Variants in TRAPPC12 observed in about 807,000 individuals in gnomAD.
The protein encoded by TRAPPC12 is trafficking protein particle complex subunit 12.
In TRAPPC12, 61 loss-of-function variants were observed where a neutral mutation model predicts 69.2. That is an observed-to-expected ratio of 0.88 (90% confidence interval 0.72 to 1.09). The LOEUF (loss-of-function observed/expected upper bound fraction) is 1.09, where lower values mean the gene tolerates loss of function less well. Ranked by LOEUF, TRAPPC12 falls within the 50% of genes least tolerant of loss-of-function variation. TRAPPC12 has a pLI of 0.00. For missense variants in TRAPPC12, 1,101 were observed against 1,016.4 expected (o/e 1.08, Z -1.13); for synonymous variants, 469 against 438.9 (o/e 1.07, Z -0.86).
rs755605563 is a variant in TRAPPC12, at chr2:3,424,574, A to G, written c.1328A>G (p.Asn443Ser). ...CTAGTGAAGTTGGGCCTTTTCCAGA[A>G]TGCTGAGATGGAATTTGAACCCTTC... Reference protein sequence around the residue: ...ALLVKLGLFQNAEMEFEPFGN... With the variant: ...ALLVKLGLFQSAEMEFEPFGN... Residue 443 changes from asparagine (N) to serine (S), a missense_variant, in exon 5 of 12, where the codon AAT becomes AGT. Asn to Ser is a conservative substitution (Grantham distance 46). Transcript: ENST00000324266. The G allele has an allele frequency of 5.0e-6, 8 of 1,614,000 alleles. No homozygotes were observed. Among genetic ancestry groups the G allele is most frequent in the East Asian group, 2.2e-5 (1 of 44,872 alleles).
Position 3,421,914 on chromosome 2 carries a change from T to C in TRAPPC12, c.1198T>C (p.Cys400Arg). 1 of 1,613,968 alleles carries C rather than the reference T, an allele frequency of 6.2e-7. No individual in the cohort carries two copies. ...CRNWRAAVDL[C>R]GRLLTAHGQG... ...AAACTGGAGGGCAGCAGTGGACCTG[T>C]GCGGACGTCTCCTCACAGCCCACGG... The change falls in exon 4 of 12, where the codon TGC becomes CGC. Residue 400 changes from cysteine (C) to arginine (R), a missense_variant. Cys to Arg is a radical substitution (Grantham distance 180). Coordinates refer to ENST00000324266, the MANE Select transcript of TRAPPC12 (RefSeq NM_016030.6).
chr2:3,384,157 A>C (rs955775217), intron 1 of TRAPPC12, among the ~76,000 whole-genome samples: 1 of 151,928 alleles, frequency 6.6e-6, no homozygotes, highest in African/African-American at 2.4e-5. Context: ...CGGCCTCCCA[A>C]ATTGCTAGGA....
At position 3,402,845 on chromosome 2, in the gene TRAPPC12, G is replaced by A. The variant is rs73145222; in HGVS notation, c.1164+952G>A. On this transcript the variant is annotated intron_variant, in intron 3 of 11. Coordinates refer to ENST00000324266, the MANE Select transcript of TRAPPC12 (RefSeq NM_016030.6). ...TCAGCTCCCCAGTGTTGTCTCCTTA[G>A]GGGGCTGTGGAATTGCTCTGCTAGC... Among the ~76,000 whole-genome samples, 1,057 of 152,314 alleles carry A rather than the reference G, an allele frequency of 6.9e-3. 14 individuals are homozygous for A. The highest frequency in any genetic ancestry group is 0.024 in the African/African-American group (991 of 41,556).
chr2:3,392,818 T>A (rs1333506959), intron 2 of TRAPPC12, among the ~76,000 whole-genome samples: 1 of 152,160 alleles, frequency 6.6e-6, no homozygotes. Context: ...GATCTAACAG[T>A]CCCCCATTCT....
chr2:3,430,458 T>C (rs1036229269), intron 5 of TRAPPC12, among the ~76,000 whole-genome samples: 1 of 152,240 alleles, frequency 6.6e-6, no homozygotes, highest in Non-Finnish European at 1.5e-5. Flanking sequence ...GTGTCCTTTG[T>C]CTGTCGGAGT....
intron 7 of TRAPPC12, 144 bp downstream of exon 7, chr2:3,457,837 T>A (rs918482804): frequency 2.7e-5 from 39 of 1,453,818 alleles, no homozygotes; most frequent in Non-Finnish European, 3.3e-5. Context: ...AACTCACTCC[T>A]TTCTTGGGGA....
chr2:3,466,891 C>T (rs1665838747), intron 9 of TRAPPC12, among the ~76,000 whole-genome samples: 1 of 152,210 alleles, frequency 6.6e-6, no homozygotes, highest in Admixed American at 6.5e-5. Context: ...TCCAGGCTGC[C>T]TCATGTGTAA....
Position 3,477,676 on chromosome 2 carries a change from CTA to C in TRAPPC12, c.1777-18_1777-17del, listed in dbSNP as rs1380380533. 1 of 1,542,688 alleles carries C rather than the reference CTA, an allele frequency of 6.5e-7. No individual in the cohort carries two copies. Among genetic ancestry groups the C allele is most frequent in the Non-Finnish European group, 8.9e-7 (1 of 1,128,524 alleles). ...ATATTTCTTTTGTCAACTAAACTGA[CTA>C]AATTTTGTCAAAGCAGATTGGAGAC... On this transcript the variant is annotated splice_polypyrimidine_tract_variant and intron_variant, in intron 9 of 11. Transcript: ENST00000324266.
Position 3,412,916 on chromosome 2 carries a change from G to A in TRAPPC12, c.1165-8965G>A, listed in dbSNP as rs186047619. On this transcript the variant is annotated intron_variant, in intron 3 of 11. Coordinates refer to ENST00000324266, the MANE Select transcript of TRAPPC12 (RefSeq NM_016030.6). ...CAACCTGAAAAGGCCCAACTTAGCC[G>A]TGAGTGGACATAAATAGGAGTTGTA... Among the ~76,000 whole-genome samples, 234 of 152,316 alleles carry A rather than the reference G, an allele frequency of 1.5e-3. 1 individual carries two copies. The highest frequency in any genetic ancestry group is 5.3e-3 in the African/African-American group (221 of 41,572).
intron 8 of TRAPPC12, among the ~76,000 whole-genome samples, chr2:3,464,796 C>T (rs1025423481): frequency 4.6e-5 from 7 of 152,250 alleles, no homozygotes; most frequent in Non-Finnish European, 8.8e-5. Context: ...TGGGTCCGCT[C>T]AGCGTCCAGC....
At chr2:3,447,098 G>A (rs574364596) in intron 6 of TRAPPC12, among the ~76,000 whole-genome samples, 1 of 124,592 alleles carries the variant, frequency 8.0e-6, no homozygotes, top group Admixed American at 7.6e-5. Context: ...GAGGCCTCAG[G>A]AAGCTTTTTT....
chr2:3,476,815 G>T (rs1185631115), intron 9 of TRAPPC12, among the ~76,000 whole-genome samples: 3 of 152,194 alleles, frequency 2.0e-5, no homozygotes, highest in African/African-American at 7.2e-5. Flanking sequence ...TTCTCATCGA[G>T]ACAGAGGACA....
intron 6 of TRAPPC12, among the ~76,000 whole-genome samples, chr2:3,450,171 A>C (rs1430046811): frequency 6.6e-6 from 1 of 152,112 alleles, no homozygotes. Flanking sequence ...CCGATTCAAA[A>C]CCAAATGCAC....
intron 7 of TRAPPC12, 185 bp from the exon 8 acceptor site, chr2:3,460,078 A>T (rs886402755): frequency 1.5e-6 from 1 of 669,750 alleles, no homozygotes; most frequent in East Asian, 2.7e-5. Flanking sequence ...TCTGGTCCCA[A>T]TGCGAGTGCT....
intron 6 of TRAPPC12, among the ~76,000 whole-genome samples, chr2:3,452,610 G>A (rs916335424): frequency 4.6e-5 from 7 of 152,204 alleles, no homozygotes; most frequent in Non-Finnish European, 1.0e-4. Context: ...TGTACTGGGA[G>A]GCCCATGGGC....
chr2:3,426,944 G>A (rs934639635), intron 5 of TRAPPC12, among the ~76,000 whole-genome samples: 3 of 152,090 alleles, frequency 2.0e-5, no homozygotes, highest in Admixed American at 1.3e-4. Context: ...TCCCTTTCTT[G>A]TCTCCACTTC....
In TRAPPC12 at chr2:3,477,818, T is replaced by C. The variant is rs770627103; in HGVS notation, c.1877+23T>C. 9.2e-6 allele frequency: 14 copies of C among 1,526,654 alleles called. No homozygotes were observed. In the South Asian group the frequency reaches 1.1e-4, roughly 12 times the overall value. 94.6% of individuals were successfully genotyped at this position (1,526,654 alleles called of 1,614,324 possible). A position where few individuals can be genotyped will look rare whatever the true frequency, so the allele number is the denominator to read the frequency against. ...CAGGTAAATATTTTAAAACTAAATA[T>C]ATGTTTTCTCAAATTTCCCAGAGGC... On this transcript the variant is annotated intron_variant, in intron 10 of 11. Transcript: ENST00000324266.
At position 3,436,377 on chromosome 2, in the gene TRAPPC12, T is replaced by C. The variant is rs188444728; in HGVS notation, c.1418-7402T>C. 1.5e-3 allele frequency among the ~76,000 whole-genome samples: 223 copies of C among 152,280 alleles called. 2 individuals are homozygous for C. The highest frequency in any genetic ancestry group is 4.2e-3 in the Admixed American group (64 of 15,304). On this transcript the variant is annotated intron_variant, in intron 5 of 11. Transcript: ENST00000324266. ...ATTAAAAACTCCATTTTCCATCTAA[T>C]ACCTTGGAGACACCATCTTTATTGT... is the stretch of plus-strand genomic sequence containing the variant.
Position 3,414,931 on chromosome 2 carries a change from C to T in TRAPPC12, c.1165-6950C>T, listed in dbSNP as rs1465908908. On this transcript the variant is annotated intron_variant, in intron 3 of 11. Coordinates refer to ENST00000324266, the MANE Select transcript of TRAPPC12 (RefSeq NM_016030.6). The surrounding 1 kb of genome is among the most constrained non-coding windows in gnomAD (Gnocchi z 4.9). Reference sequence around the variant, plus strand: ...GATTCCACCACCCGCAGTTGGGAAACACAGTGAGGTATGCACAGCAACCTT... The same window carrying T: ...GATTCCACCACCCGCAGTTGGGAAATACAGTGAGGTATGCACAGCAACCTT... Among the ~76,000 whole-genome samples, 1 of 152,190 alleles carries T rather than the reference C, an allele frequency of 6.6e-6. No individual in the cohort carries two copies. Among genetic ancestry groups the T allele is most frequent in the Admixed American group, 6.5e-5 (1 of 15,286 alleles).
Sources: allele counts gnomAD v4.1 joint callset (sites outside exome capture counted in the v4.1 genomes callset), GRCh38; gene constraint gnomAD v4.1.1; non-coding constraint Gnocchi (gnomAD v3.1); transcripts MANE v1.5; gene names NCBI Gene and HGNC (gene_info 2026-07-23, HGNC 2026-07-21).